ZNF236: variants seen among roughly 807,000 people sequenced by gnomAD.
The protein encoded by ZNF236 is regulated by glucose.
A neutral mutation model predicts 191.2 loss-of-function variants in ZNF236; 50 were observed. The observed-to-expected ratio is 0.26, with a 90% CI of 0.21 to 0.33. The LOEUF is 0.33. ZNF236 is among the 10% of genes least tolerant of loss of function. The pLI is 1.00. For synonymous variants in ZNF236, 907 were observed against 928.8 expected (o/e 0.98, Z 0.43); for missense variants, 1,754 against 2,374.5 (o/e 0.74, Z 5.43).
intron 26 of ZNF236, among the ~76,000 whole-genome samples, 166 bp downstream of exon 26, chr18:76,937,509 A>AATTC (rs1217469734): frequency 6.6e-6 from 1 of 152,326 alleles, no homozygotes; most frequent in Non-Finnish European, 1.5e-5. Flanking sequence ...AGGGGATAAA[A>AATTC]ATTCAGATAA....
In ZNF236 at chr18:76,839,383, A is replaced by G. The variant is rs968054826; in HGVS notation, c.56-10143A>G. On this transcript the variant is annotated intron_variant, in intron 1 of 30. Transcript: ENST00000320610. ...TTCCAGTTACTTTCTTTTCTCATCA[A>G]TCTGTGGTATTGTCTGTCTTTTTAG... Among the ~76,000 whole-genome samples the G allele has an allele frequency of 4.6e-5, 7 of 152,188 alleles. No homozygotes were observed. In the South Asian group the frequency reaches 6.2e-4, roughly 13 times the overall value.
chr18:76,909,444 A>G (rs1226492534), intron 14 of ZNF236, among the ~76,000 whole-genome samples: 1 of 152,196 alleles, frequency 6.6e-6, no homozygotes, highest in African/African-American at 2.4e-5. Context: ...AGTATTCTAT[A>G]AAGTACACTC....
intron 1 of ZNF236, among the ~76,000 whole-genome samples, chr18:76,842,071 C>T (rs958810575): frequency 6.6e-6 from 1 of 152,062 alleles, no homozygotes; most frequent in Non-Finnish European, 1.5e-5. Flanking sequence ...GGAGAGTATC[C>T]TGGATTATTA....
At position 76,922,464 on chromosome 18, in the gene ZNF236, ACT is replaced by A. The variant is rs1267305694; in HGVS notation, c.3558-602_3558-601del. Among the ~76,000 whole-genome samples, 6 of 151,136 alleles carry A rather than the reference ACT, an allele frequency of 4.0e-5. No homozygotes were observed. In the East Asian group the frequency reaches 5.8e-4, roughly 15 times the overall value. ...TTGGCTGTTTGTATTTCTTCTGTAAACTCTCTGTGCATTGCCAACTTTTCTAC... is the reference window on the plus strand; with the variant it reads ...TTGGCTGTTTGTATTTCTTCTGTAAACTCTGTGCATTGCCAACTTTTCTAC... On this transcript the variant is annotated intron_variant, in intron 20 of 30. Transcript: ENST00000320610.
intron 26 of ZNF236, among the ~76,000 whole-genome samples, chr18:76,944,080 G>C (rs938133189): frequency 1.3e-5 from 2 of 152,110 alleles, no homozygotes; most frequent in Non-Finnish European, 2.9e-5. Context: ...AGATTCAGTC[G>C]AACATTGACA....
At chr18:76,902,985 C>G (rs1397984553) in intron 11 of ZNF236, among the ~76,000 whole-genome samples, 1 of 152,120 alleles carries the variant, frequency 6.6e-6, no homozygotes, top group African/African-American at 2.4e-5. Context: ...GGAGCGAGGT[C>G]TTTGATACAG....
At chr18:76,918,898 A>G (rs1015347602) in intron 19 of ZNF236, among the ~76,000 whole-genome samples, 1 of 152,118 alleles carries the variant, frequency 6.6e-6, no homozygotes. Context: ...TAATAACAAG[A>G]AAAAAAGGAT....
intron 5 of ZNF236, among the ~76,000 whole-genome samples, chr18:76,874,401 G>A (rs1276909878): frequency 6.6e-6 from 1 of 151,996 alleles, no homozygotes; most frequent in Admixed American, 6.6e-5. Context: ...AACCTAACTC[G>A]ATTTTGTCTT....
chr18:76,869,544 A>G (rs1289879709), intron 4 of ZNF236, among the ~76,000 whole-genome samples: 4 of 152,164 alleles, frequency 2.6e-5, no homozygotes, highest in Non-Finnish European at 4.4e-5. Flanking sequence ...ATTTTTACTG[A>G]TGTTTCTGTT....
At chr18:76,909,736 G>A (rs1035473772) in intron 14 of ZNF236, among the ~76,000 whole-genome samples, 3 of 152,160 alleles carry the variant, frequency 2.0e-5, no homozygotes, top group Non-Finnish European at 1.5e-5. Context: ...CCGTCTTTGG[G>A]GAGGATTATA....
intron 9 of ZNF236, 33 bp downstream of exon 9, chr18:76,881,545 T>G (rs1302744162): frequency 6.3e-7 from 1 of 1,577,198 alleles, no homozygotes; most frequent in East Asian, 2.2e-5. Flanking sequence ...TTTGGACATT[T>G]GGGATAGCAT....
At position 76,915,755 on chromosome 18, in the gene ZNF236, T is replaced by G; in HGVS notation, c.3170T>G (p.Phe1057Cys). 1 of 1,614,090 alleles carries G rather than the reference T, an allele frequency of 6.2e-7. No homozygotes were observed. Among genetic ancestry groups the G allele is most frequent in the Non-Finnish European group, 8.5e-7 (1 of 1,180,014 alleles). ...HMSMKPYKCP[F>C]CEEGFRTTVH... ...AGCATGAAGCCTTATAAGTGTCCGTTTTGTGAGGAGGGTTTCCGAACTACA... is the reference window on the plus strand; with the variant it reads ...AGCATGAAGCCTTATAAGTGTCCGTGTTGTGAGGAGGGTTTCCGAACTACA... Residue 1057 changes from phenylalanine to cysteine, a missense_variant, in exon 19 of 31, where the codon TTT becomes TGT. Physicochemically the swap from Phe to Cys is radical, Grantham distance 205. Coordinates refer to ENST00000320610, the MANE Select transcript of ZNF236 (RefSeq NM_001306089.2).
At chr18:76,942,423 C>A (rs1349713488) in intron 26 of ZNF236, among the ~76,000 whole-genome samples, 4 of 152,094 alleles carry the variant, frequency 2.6e-5, no homozygotes, top group African/African-American at 9.7e-5. Flanking sequence ...TTTGTAAAAT[C>A]CATGAAAGAT....
Position 76,926,607 on chromosome 18 carries a change from A to G in ZNF236, c.4028-430A>G, listed in dbSNP as rs571745544. 1.5e-3 allele frequency among the ~76,000 whole-genome samples: 229 copies of G among 151,184 alleles called. 2 individuals are homozygous for G. Among genetic ancestry groups the G allele is most frequent in the African/African-American group, 5.1e-3 (210 of 41,122 alleles). On this transcript the variant is annotated intron_variant, in intron 22 of 30. Transcript: ENST00000320610. ...GTATGATTAGACAGTGTGTGTATAT[A>G]TGGTATAAAGGGTGATTAGACAGTG...
At chr18:76,845,551 TA>T (rs898745113) in intron 1 of ZNF236, among the ~76,000 whole-genome samples, 1 of 151,714 alleles carries the variant, frequency 6.6e-6, no homozygotes, top group Non-Finnish European at 1.5e-5. Flanking sequence ...TAGCTGTCTT[TA>T]AAAAAAATGC....
At position 76,833,867 on chromosome 18, in the gene ZNF236, T is replaced by A. The variant is rs1429210978; in HGVS notation, c.55+11205T>A. Among the ~76,000 whole-genome samples the A allele has an allele frequency of 3.3e-5, 5 of 152,266 alleles. No homozygotes were observed. In the South Asian group the frequency reaches 6.2e-4, roughly 19 times the overall value. ...ATATTTTTAATTTTTAAAATAATTTTAAAAATAGACATGAGGTCTTGTCAT... is the reference window on the plus strand; with the variant it reads ...ATATTTTTAATTTTTAAAATAATTTAAAAAATAGACATGAGGTCTTGTCAT... On this transcript the variant is annotated intron_variant, in intron 1 of 30. Coordinates refer to ENST00000320610, the MANE Select transcript of ZNF236 (RefSeq NM_001306089.2).
intron 1 of ZNF236, among the ~76,000 whole-genome samples, chr18:76,848,225 T>A (rs1975755871): frequency 6.6e-6 from 1 of 152,202 alleles, no homozygotes; most frequent in Non-Finnish European, 1.5e-5. Context: ...AGTGCCTGTG[T>A]TTATCACACA....
Position 76,919,342 on chromosome 18 carries a change from A to G in ZNF236, c.3275-434A>G, listed in dbSNP as rs1156817122. ...GCACATGTGATATTTTGTTTCATGT[A>G]TAGAATGTGGAATGATCAAATCAGA... On this transcript the variant is annotated intron_variant, in intron 19 of 30. Transcript: ENST00000320610. The surrounding 1 kb of genome is among the most constrained non-coding windows in gnomAD (Gnocchi z 5.3). 3.3e-5 allele frequency among the ~76,000 whole-genome samples: 5 copies of G among 152,160 alleles called. No individual in the cohort carries two copies. Among genetic ancestry groups the G allele is most frequent in the African/African-American group, 1.2e-4 (5 of 41,422 alleles).
chr18:76,941,421 G>T (rs960632304), intron 26 of ZNF236, among the ~76,000 whole-genome samples: 4 of 152,180 alleles, frequency 2.6e-5, no homozygotes, highest in Non-Finnish European at 5.9e-5. Context: ...GCTCCTGCCT[G>T]GCCCCTGCTA....
Sources: gnomAD v4.1 joint callset for allele counts (sites outside exome capture counted in the v4.1 genomes callset) on GRCh38, gnomAD v4.1.1 for gene constraint, Gnocchi (gnomAD v3.1) non-coding constraint, MANE v1.5 for transcripts, NCBI Gene and HGNC (gene_info 2026-07-23, HGNC 2026-07-21) for gene names.